CLIP4: variants seen among roughly 807,000 people sequenced by gnomAD.
CLIP4 encodes the protein CAP-Gly domain-containing linker protein 4.
Under a neutral mutation model 73.1 loss-of-function variants are expected in CLIP4, and 47 were observed. That is an observed-to-expected ratio of 0.64 (90% CI 0.51 to 0.82). The LOEUF (loss-of-function observed/expected upper bound fraction) is 0.82, where lower values mean the gene tolerates loss of function less well. Among genes scored for constraint, CLIP4 ranks in the 40% least tolerant of loss-of-function variants. The probability of loss-of-function intolerance (pLI) is 0.00; values close to 1 mark genes in which losing one functional copy is unlikely to be tolerated. For synonymous variants in CLIP4, 306 were observed against 295.4 expected (o/e 1.04, Z -0.37); for missense variants, 874 against 852.9 (o/e 1.02, Z -0.31).
intron 8 of CLIP4, among the ~76,000 whole-genome samples, chr2:29,150,277 G>A (rs572200545): frequency 6.6e-6 from 1 of 152,248 alleles, no homozygotes; most frequent in South Asian, 2.1e-4. Flanking sequence ...TATGGTCAGT[G>A]GAAGTTGAAG....
At chr2:29,176,561 A>G (rs534493566) in intron 15 of CLIP4, among the ~76,000 whole-genome samples, 32 of 152,274 alleles carry the variant, frequency 2.1e-4, no homozygotes, top group African/African-American at 6.7e-4. Context: ...TTTCATCCCG[A>G]GGAAGACATG....
intron 2 of CLIP4, among the ~76,000 whole-genome samples, chr2:29,121,794 C>T (rs1664265824): frequency 6.6e-6 from 1 of 152,052 alleles, no homozygotes; most frequent in Non-Finnish European, 1.5e-5. Context: ...AGCAATGGTG[C>T]TTAGATATCT....
At chr2:29,168,048 C>T (rs531303557) in intron 14 of CLIP4, among the ~76,000 whole-genome samples, 1 of 152,308 alleles carries the variant, frequency 6.6e-6, no homozygotes, top group Admixed American at 6.5e-5. Flanking sequence ...CGTCCTCCAC[C>T]TTCCTAGGTA....
chr2:29,113,651 G>T (rs115247836), upstream of CLIP4, among the ~76,000 whole-genome samples: 525 of 152,288 alleles, frequency 3.4e-3, no homozygotes, highest in African/African-American at 0.012. The surrounding 1 kb of genome is among the most constrained non-coding windows in gnomAD (Gnocchi z 4.0). Context: ...TGGCCTGGCT[G>T]GTTCTAACAG....
intron 1 of CLIP4, among the ~76,000 whole-genome samples, chr2:29,108,370 G>A (rs1421771496): frequency 1.3e-5 from 2 of 152,324 alleles, no homozygotes; most frequent in African/African-American, 2.4e-5. Context: ...GTGACTAATG[G>A]ATAAGGAGCA....
At chr2:29,099,122 G>T (rs1355429444) in intron 1 of CLIP4, among the ~76,000 whole-genome samples, 1 of 152,102 alleles carries the variant, frequency 6.6e-6, no homozygotes, top group East Asian at 1.9e-4. Context: ...CATGTGTTTT[G>T]CAAAGATTTT....
Position 29,121,581 on chromosome 2 carries a change from C to T in CLIP4, c.133+60C>T, listed in dbSNP as rs910495768. The T allele has an allele frequency of 4.5e-6, 7 of 1,556,118 alleles. No individual in the cohort carries two copies. In the African/African-American group the frequency reaches 8.3e-5, roughly 18 times the overall value. ...TGGTAACTTGACTTCTCTGTTACGCCTTTTTTGCACTCATAGTCTTTCTTA... is the reference window on the plus strand; with the variant it reads ...TGGTAACTTGACTTCTCTGTTACGCTTTTTTTGCACTCATAGTCTTTCTTA... On this transcript the variant is annotated intron_variant, in intron 2 of 15. Transcript: ENST00000320081.
intron 6 of CLIP4, among the ~76,000 whole-genome samples, chr2:29,139,908 T>G (rs1046985116): frequency 1.3e-5 from 2 of 152,084 alleles, no homozygotes; most frequent in Non-Finnish European, 1.5e-5. Flanking sequence ...CTGTCAATCT[T>G]ATTGTTTCAA....
intron 15 of CLIP4, among the ~76,000 whole-genome samples, chr2:29,180,316 A>G (rs1292229954): frequency 6.6e-6 from 1 of 152,158 alleles, no homozygotes; most frequent in Admixed American, 6.6e-5. Context: ...CTTGCAGTGG[A>G]CAGTGCAGGC....
chr2:29,141,916 T>C (rs1425176025), intron 6 of CLIP4, among the ~76,000 whole-genome samples: 1 of 152,170 alleles, frequency 6.6e-6, no homozygotes, highest in Non-Finnish European at 1.5e-5. Context: ...ATAGACTATG[T>C]GCTTATGTAT....
At chr2:29,174,577 A>G (rs79561532) in intron 15 of CLIP4, 132 bp downstream of exon 15, 1 of 1,421,346 alleles carries the variant, frequency 7.0e-7, no homozygotes, top group Non-Finnish European at 9.2e-7. Flanking sequence ...AAAAGGTGTG[A>G]TAAGTGTATT....
chr2:29,174,488 C>A, intron 15 of CLIP4, 43 bp downstream of exon 15: 1 of 1,592,998 alleles, frequency 6.3e-7, no homozygotes, highest in Non-Finnish European at 8.5e-7. Context: ...TCAAGATGAA[C>A]ATGATGGGAT....
intron 1 of CLIP4, among the ~76,000 whole-genome samples, chr2:29,102,473 C>T (rs1487261637): frequency 1.3e-5 from 2 of 152,176 alleles, no homozygotes; most frequent in Non-Finnish European, 2.9e-5. Flanking sequence ...AGGTTGCCCA[C>T]TTGACTGCAA....
intron 6 of CLIP4, among the ~76,000 whole-genome samples, chr2:29,143,235 A>G (rs371512089): frequency 1.1e-4 from 17 of 152,244 alleles, no homozygotes; most frequent in African/African-American, 3.9e-4. Flanking sequence ...CGCTCCCCAC[A>G]TGGACGCCTT....
chr2:29,181,608 C>A lies in CLIP4; in HGVS notation c.1833C>A (p.Thr611=), dbSNP rs765440205. The change falls in exon 16 of 16, where the codon ACC becomes ACA. Residue 611 remains threonine (T), a synonymous_variant. Coordinates refer to ENST00000320081, the MANE Select transcript of CLIP4 (RefSeq NM_024692.6). ...KAALRRSWSS[T]PTAGGIEGSV... is the part of the protein sequence containing the mutation. The stretch of plus-strand genomic sequence containing the variant: ...CTTTGCGTCGCAGTTGGAGCAGCAC[C>A]CCCACCGCAGGTGGCATTGAAGGGA... 7 of 1,612,820 alleles carry A rather than the reference C, an allele frequency of 4.3e-6. No homozygotes were observed. The highest frequency in any genetic ancestry group is 5.9e-6 in the Non-Finnish European group (7 of 1,179,036).
chr2:29,108,362 G>T (rs1668291817), intron 1 of CLIP4, among the ~76,000 whole-genome samples: 1 of 152,188 alleles, frequency 6.6e-6, no homozygotes, highest in Non-Finnish European at 1.5e-5. Flanking sequence ...GCTACTAAGT[G>T]ACTAATGGAT....
chr2:29,147,473 T>C (rs902517033), intron 8 of CLIP4, among the ~76,000 whole-genome samples: 4 of 152,194 alleles, frequency 2.6e-5, no homozygotes, highest in Non-Finnish European at 5.9e-5. Context: ...TCAATTCTTA[T>C]ATTACTTTTA....
chr2:29,100,150 A>T (rs2148429100), intron 1 of CLIP4, among the ~76,000 whole-genome samples: 1 of 152,006 alleles, frequency 6.6e-6, no homozygotes, highest in East Asian at 1.9e-4. Flanking sequence ...GGCTGGTCTC[A>T]AACTCCTGAG....
upstream of CLIP4, chr2:29,114,746 A>G (rs1668480441): frequency 1.3e-5 from 2 of 152,318 alleles, no homozygotes; most frequent in Non-Finnish European, 2.9e-5. Flanking sequence ...TGAACACAGA[A>G]GTACAGCCTC....
Sources: allele counts gnomAD v4.1 joint callset (sites outside exome capture counted in the v4.1 genomes callset), GRCh38; gene constraint gnomAD v4.1.1; non-coding constraint Gnocchi (gnomAD v3.1); transcripts MANE v1.5; gene names NCBI Gene and HGNC (gene_info 2026-07-23, HGNC 2026-07-21).